The following MAP2 variants were observed in gnomAD, a reference collection of about 807,000 sequenced individuals.
MAP2 encodes microtubule-associated protein 2.
Under a neutral mutation model 137.6 loss-of-function variants are expected in MAP2, and 14 were observed. That is an observed-to-expected ratio of 0.10 (90% CI 0.07 to 0.16). MAP2 has a LOEUF of 0.16. Ranked by LOEUF, MAP2 falls within the 10% of genes least tolerant of loss-of-function variation. The pLI is 1.00. For synonymous variants in MAP2, 786 were observed against 782.3 expected, an observed-to-expected ratio of 1.00 and a Z score of -0.08; for missense variants, 2,088 against 2,191.5, an observed-to-expected ratio of 0.95 and a Z score of 0.94.
At chr2:209,541,619 T>G (rs2067057944) in intron 2 of MAP2, among the ~76,000 whole-genome samples, 1 of 144,332 alleles carries the variant, frequency 6.9e-6, no homozygotes, top group Admixed American at 6.7e-5. Context: ...TTAGTTTATG[T>G]AATATTCTAA....
chr2:209,445,817 C>A (rs1269509224), intron 1 of MAP2, among the ~76,000 whole-genome samples: 1 of 151,654 alleles, frequency 6.6e-6, no homozygotes, highest in Non-Finnish European at 1.5e-5. Context: ...AATATGTGGA[C>A]TCAAACTCAA....
chr2:209,701,865 A>G (rs2061852411), intron 11 of MAP2, among the ~76,000 whole-genome samples: 1 of 152,092 alleles, frequency 6.6e-6, no homozygotes, highest in African/African-American at 2.4e-5. Flanking sequence ...CCGTAGGGCT[A>G]TGAAACAAAT....
chr2:209,696,295 G>T lies in MAP2; in HGVS notation c.4125G>T (p.Glu1375Asp), dbSNP rs755306592. ...AAACCTATGACGATTACAAAGATGA[G>T]ACCACCATTGACGACTCCATCATGG... ...KTETYDDYKD[E>D]TTIDDSIMDA... Residue 1375 changes from glutamate to aspartate, a missense_variant, in exon 8 of 16, where the codon GAG becomes GAT. Physicochemically the swap from Glu to Asp is conservative, Grantham distance 45 (BLOSUM62 2). Coordinates refer to ENST00000682079, the MANE Select transcript of MAP2 (RefSeq NM_001375505.1). The T allele has an allele frequency of 6.3e-7, 1 of 1,596,286 alleles. No homozygotes were observed. The highest frequency in any genetic ancestry group is 8.5e-7 in the Non-Finnish European group (1 of 1,174,420).
At chr2:209,527,965 T>G (rs1293830954) in intron 2 of MAP2, among the ~76,000 whole-genome samples, 1 of 152,100 alleles carries the variant, frequency 6.6e-6, no homozygotes, top group East Asian at 1.9e-4. Flanking sequence ...CTTCAGGAGA[T>G]CCAAAAAGAT....
chr2:209,563,656 T>C (rs919931133), intron 2 of MAP2, among the ~76,000 whole-genome samples: 1 of 152,170 alleles, frequency 6.6e-6, no homozygotes, highest in Non-Finnish European at 1.5e-5. Context: ...AGTCCCAAGC[T>C]CTGAAGACCA....
chr2:209,524,280 G>T (rs1372582156), intron 2 of MAP2, among the ~76,000 whole-genome samples: 1 of 151,806 alleles, frequency 6.6e-6, no homozygotes, highest in Non-Finnish European at 1.5e-5. Flanking sequence ...TTAGAAATAT[G>T]ATTTTTTTCA....
chr2:209,502,101 T>C (rs2150127834), intron 1 of MAP2, among the ~76,000 whole-genome samples: 1 of 152,284 alleles, frequency 6.6e-6, no homozygotes, highest in East Asian at 1.9e-4. Flanking sequence ...TTTTAAAAAA[T>C]AAGAACACCT....
rs540151783 is a variant in MAP2, at chr2:209,621,254, T to C, written c.-106-3799T>C. On this transcript the variant is annotated intron_variant, in intron 3 of 15. Coordinates refer to ENST00000682079, the MANE Select transcript of MAP2 (RefSeq NM_001375505.1). ...CAGGATTCCAGCAACTTCAGGCATC[T>C]TGATTTTTTTTTTTTTTTTTTTGAG... is the stretch of plus-strand genomic sequence containing the variant. 1.2e-4 allele frequency among the ~76,000 whole-genome samples: 18 copies of C among 148,104 alleles called. No homozygotes were observed. The South Asian group carries it at 2.9e-3, about 24-fold the overall frequency.
In MAP2 at chr2:209,695,973, A is replaced by G. The variant is rs1293865018; in HGVS notation, c.3803A>G (p.Glu1268Gly). Residue 1268 changes from glutamate (E) to glycine (G), a missense_variant, in exon 8 of 16, where the codon GAA becomes GGA. Physicochemically the swap from Glu to Gly is moderately conservative, Grantham distance 98. Around this residue, in one of 6 missense-constraint regions of MAP2, gnomAD observed 591 missense variants for 642.6 expected, o/e 0.92. Transcript: ENST00000682079. Reference sequence around the variant, plus strand: ...CTGGGTGTCTCAGGTGCCAGGGAGGAATTTGTGGAGACCTGCCCAAGTGAA... The same window carrying G: ...CTGGGTGTCTCAGGTGCCAGGGAGGGATTTGTGGAGACCTGCCCAAGTGAA... ...TDLGVSGARE[E>G]FVETCPSEHK... 2 of 1,614,054 alleles carry G rather than the reference A, an allele frequency of 1.2e-6. No homozygotes were observed. The highest frequency in any genetic ancestry group is 1.7e-6 in the Non-Finnish European group (2 of 1,179,996).
intron 13 of MAP2, among the ~76,000 whole-genome samples, chr2:209,720,714 A>G (rs1379113475): frequency 1.3e-5 from 2 of 150,560 alleles, no homozygotes; most frequent in Non-Finnish European, 2.9e-5. Context: ...ATTTTGCGCA[A>G]TTATTATTCA....
chr2:209,428,064 G>A (rs1693060521), intron 1 of MAP2, among the ~76,000 whole-genome samples: 1 of 152,150 alleles, frequency 6.6e-6, no homozygotes, highest in Non-Finnish European at 1.5e-5. Context: ...TATGTTTATT[G>A]GAAGGAGTTT....
intron 3 of MAP2, among the ~76,000 whole-genome samples, chr2:209,615,203 G>A (rs1376610515): frequency 1.3e-5 from 2 of 152,176 alleles, no homozygotes; most frequent in East Asian, 3.9e-4. Context: ...TCTGTCCCCT[G>A]TGTTCAGCCG....
At chr2:209,615,161 T>C (rs1248595940) in intron 3 of MAP2, among the ~76,000 whole-genome samples, 1 of 152,174 alleles carries the variant, frequency 6.6e-6, no homozygotes, top group Non-Finnish European at 1.5e-5. Flanking sequence ...GGAATCTGAA[T>C]GCTCACGTTG....
In MAP2 at chr2:209,625,299, G is replaced by T. The variant is rs565694501; in HGVS notation, c.-30+170G>T. Among the ~76,000 whole-genome samples the T allele has an allele frequency of 2.6e-5, 4 of 152,164 alleles. No homozygotes were observed. The South Asian group carries it at 8.3e-4, about 32-fold the overall frequency. On this transcript the variant is annotated intron_variant, in intron 4 of 15. Transcript: ENST00000682079. ...TTAATAGTTATAGCTAATAAATTCA[G>T]TGTTATTAAAACAGCACTTCATAGT...
chr2:209,593,630 A>ATAT (rs1197831337), intron 3 of MAP2, among the ~76,000 whole-genome samples: 2 of 63,268 alleles, frequency 3.2e-5, no homozygotes, highest in East Asian at 8.3e-4. Context: ...AAAAAAAAAA[A>ATAT]AAAAATATAT....
chr2:209,545,138 A>G (rs1224633473), intron 2 of MAP2, among the ~76,000 whole-genome samples: 2 of 152,204 alleles, frequency 1.3e-5, no homozygotes, highest in African/African-American at 4.8e-5. Context: ...GGCAGTGATC[A>G]GATTGTTTTA....
At chr2:209,435,967 A>ATATATAATG (rs1559159276) in intron 1 of MAP2, among the ~76,000 whole-genome samples, 1 of 135,376 alleles carries the variant, frequency 7.4e-6, no homozygotes, top group Non-Finnish European at 1.5e-5. Flanking sequence ...AGTATATATT[A>ATATATAATG]TATATAATAT....
intron 2 of MAP2, among the ~76,000 whole-genome samples, chr2:209,527,146 T>C (rs1559278951): frequency 6.6e-6 from 1 of 152,272 alleles, no homozygotes; most frequent in East Asian, 1.9e-4. Context: ...TGGCAGTTCT[T>C]AGTGTGATAT....
At chr2:209,442,513 G>T (rs558079281) in intron 1 of MAP2, among the ~76,000 whole-genome samples, 10 of 151,552 alleles carry the variant, frequency 6.6e-5, no homozygotes, top group African/African-American at 2.4e-4. Context: ...TTAAATTTTG[G>T]CATTATCTCC....
Sources: gnomAD v4.1 joint callset for allele counts (sites outside exome capture counted in the v4.1 genomes callset) on GRCh38, gnomAD v4.1.1 for gene constraint, gnomAD v4.1.1 regional missense constraint, MANE v1.5 for transcripts, NCBI Gene and HGNC (gene_info 2026-07-23, HGNC 2026-07-21) for gene names.